CCNK: variants seen among roughly 807,000 people sequenced by gnomAD.
CCNK encodes cyclin-K.
A neutral mutation model predicts 65.0 loss-of-function variants in CCNK; 9 were observed. That is an observed-to-expected ratio of 0.14 (90% CI 0.08 to 0.24). CCNK has a LOEUF of 0.24. CCNK is among the 10% of genes least tolerant of loss of function. The pLI is 1.00. For synonymous variants in CCNK, 279 were observed against 270.8 expected, an observed-to-expected ratio of 1.03 and a Z score of -0.30; for missense variants, 474 against 720.0, an observed-to-expected ratio of 0.66 and a Z score of 3.91.
chr14:99,500,838 C>A lies in CCNK; in HGVS notation c.484C>A (p.Gln162Lys). 1 of 1,559,600 alleles carries A rather than the reference C, an allele frequency of 6.4e-7. No homozygotes were observed. The highest frequency in any genetic ancestry group is 8.7e-7 in the Non-Finnish European group (1 of 1,150,542). ...KFDLQVEHPY[Q>K]FLLKYAKQLK... Reference sequence around the variant, plus strand: ...TGATTTACAGGTAGAACATCCATACCAGTTCCTACTAAAATATGCAAAGCA... The same window carrying A: ...TGATTTACAGGTAGAACATCCATACAAGTTCCTACTAAAATATGCAAAGCA... Residue 162 changes from glutamine to lysine, a missense_variant, in exon 5 of 11, where the codon CAG becomes AAG. Physicochemically the swap from Gln to Lys is moderately conservative, Grantham distance 53. Around this residue, in one of 6 missense-constraint regions of CCNK, gnomAD observed 67 missense variants for 150.2 expected, o/e 0.45. Transcript: ENST00000389879.
rs1595301424 is a variant in CCNK at position 99,483,721 on chromosome 14, T to C, written c.-53+2242T>C. ...AGAGTTAAATGTGCATTGGATAAGG[T>C]GTGGTTAGATGGATTTATATCCATG... On this transcript the variant is annotated intron_variant, in intron 1 of 10. Transcript: ENST00000389879. 2.0e-5 allele frequency among the ~76,000 whole-genome samples: 3 copies of C among 152,224 alleles called. No individual in the cohort carries two copies. The East Asian group carries it at 5.8e-4, about 29-fold the overall frequency.
chr14:99,498,410 C>T (rs1896747413), intron 4 of CCNK, among the ~76,000 whole-genome samples: 1 of 152,124 alleles, frequency 6.6e-6, no homozygotes, highest in Non-Finnish European at 1.5e-5. Context: ...AGGAAAACAC[C>T]TGGAGCTGGG....
intron 9 of CCNK, chr14:99,505,471 C>T (rs1348436084): frequency 4.0e-5 from 6 of 151,578 alleles, no homozygotes; most frequent in African/African-American, 1.5e-4. Flanking sequence ...ATATTGGTTA[C>T]ATGTTGAAAT....
At chr14:99,486,188 T>A (rs928163620) in intron 1 of CCNK, among the ~76,000 whole-genome samples, 8 of 152,228 alleles carry the variant, frequency 5.3e-5, no homozygotes, top group Non-Finnish European at 2.9e-5. Context: ...GACTACCATC[T>A]CTGGTTTAAA....
intron 1 of CCNK, among the ~76,000 whole-genome samples, chr14:99,484,921 G>A (rs909817238): frequency 6.6e-6 from 1 of 152,228 alleles, no homozygotes; most frequent in Admixed American, 6.5e-5. Context: ...CTGCTAAAAT[G>A]CCTTGACAGG....
At chr14:99,498,729 G>T (rs1161107316) in intron 4 of CCNK, among the ~76,000 whole-genome samples, 1 of 152,072 alleles carries the variant, frequency 6.6e-6, no homozygotes, top group Non-Finnish European at 1.5e-5. Context: ...TGTGGTGTAC[G>T]CTGTAAAAGG....
chr14:99,500,664 T>C (rs1424561617), intron 4 of CCNK, 102 bp from the exon 5 acceptor site: 6 of 779,144 alleles, frequency 7.7e-6, no homozygotes, highest in Non-Finnish European at 1.1e-5. Flanking sequence ...TGCTAAAATA[T>C]AACTTGAAGA....
At chr14:99,482,405 G>T (rs767880184) in intron 1 of CCNK, among the ~76,000 whole-genome samples, 1 of 152,208 alleles carries the variant, frequency 6.6e-6, no homozygotes, top group Admixed American at 6.5e-5. Flanking sequence ...ACTGCCTGAC[G>T]TTTAATAAGC....
chr14:99,507,187 C>T (rs1896997073), intron 10 of CCNK, 40 bp downstream of exon 10: 3 of 1,226,876 alleles, frequency 2.4e-6, no homozygotes, highest in South Asian at 1.2e-5. Context: ...CTGTGCACAT[C>T]GCCTCTGAAT....
Position 99,503,649 on chromosome 14 carries a change from T to C in CCNK, c.1045+5T>C, listed in dbSNP as rs1324482299. The C allele has an allele frequency of 6.4e-7, 1 of 1,556,966 alleles. No individual in the cohort carries two copies. The highest frequency in any genetic ancestry group is 8.7e-7 in the Non-Finnish European group (1 of 1,148,618). ...AAGAAGAGAACAAAGCAGCAGGTAA[T>C]TTCCTGTTCTGATGTTTTTTTAGTT... On this transcript the variant is annotated splice_donor_5th_base_variant and intron_variant, in intron 9 of 10. Coordinates refer to ENST00000389879, the MANE Select transcript of CCNK (RefSeq NM_001099402.2).
chr14:99,492,232 G>C (rs1054955154), intron 1 of CCNK: 1 of 157,594 alleles, frequency 6.3e-6, no homozygotes, highest in Non-Finnish European at 1.4e-5. Context: ...TCTTTGTCAA[G>C]ATTAAGACAG....
chr14:99,494,897 A>AC (rs1334540160), intron 3 of CCNK: 1 of 152,250 alleles, frequency 6.6e-6, no homozygotes, highest in African/African-American at 2.4e-5. Flanking sequence ...GAAGGGAGGA[A>AC]CAAGCCCCTT....
chr14:99,504,172 G>A, intron 9 of CCNK: 1 of 248,348 alleles, frequency 4.0e-6, no homozygotes, highest in Middle Eastern at 4.9e-4. Flanking sequence ...CAGAAGGAGT[G>A]AGCAAAATTG....
chr14:99,499,684 G>A (rs1896779038), intron 4 of CCNK, among the ~76,000 whole-genome samples: 1 of 152,196 alleles, frequency 6.6e-6, no homozygotes, highest in Admixed American at 6.5e-5. Flanking sequence ...CTGAGTTCAA[G>A]ACATTAGTTA....
intron 1 of CCNK, among the ~76,000 whole-genome samples, chr14:99,487,514 G>A (rs937851098): frequency 1.3e-5 from 2 of 152,170 alleles, no homozygotes; most frequent in South Asian, 2.1e-4. Flanking sequence ...ACTGCTCTGC[G>A]GCAGTGAGAA....
chr14:99,495,551 A>G lies in CCNK; in HGVS notation c.333A>G (p.Lys111=). 1 of 1,613,708 alleles carries G rather than the reference A, an allele frequency of 6.2e-7. No individual in the cohort carries two copies. Among genetic ancestry groups the G allele is most frequent in the African/African-American group, 1.3e-5 (1 of 75,048 alleles). ...FLAGKVEETP[K]KCKDIIKTAR... Reference sequence around the variant, plus strand: ...CTGGGAAAGTAGAAGAAACACCAAAAAAATGTAAAGATATCATCAAAACAG... The same window carrying G: ...CTGGGAAAGTAGAAGAAACACCAAAGAAATGTAAAGATATCATCAAAACAG... Residue 111 remains lysine (K), a synonymous_variant, in exon 4 of 11, where the codon AAA becomes AAG. Coordinates refer to ENST00000389879, the MANE Select transcript of CCNK (RefSeq NM_001099402.2).
intron 9 of CCNK, chr14:99,503,986 G>A: frequency 2.8e-6 from 1 of 362,982 alleles, no homozygotes; most frequent in Non-Finnish European, 5.3e-6. Context: ...CCTCTCCCAA[G>A]CACCAAGCCA....
intron 7 of CCNK, 38 bp from the exon 8 acceptor site, chr14:99,502,681 C>G: frequency 6.3e-7 from 1 of 1,587,922 alleles, no homozygotes. Flanking sequence ...ATTTAAAATA[C>G]CAATTTGTGT....
Position 99,502,970 on chromosome 14 carries a change from G to T in CCNK, c.997G>T (p.Val333Phe), listed in dbSNP as rs771462544. Residue 333 changes from valine (V) to phenylalanine (F), a missense_variant, in exon 8 of 11, where the codon GTT becomes TTT. Val to Phe is a conservative substitution (Grantham distance 50). Around this residue, in one of 6 missense-constraint regions of CCNK, gnomAD observed 229 missense variants for 275.5 expected, o/e 0.83. Transcript: ENST00000389879. ...TCCGCAGCCCAGTTCTCCCCGACAGGTTAAGCGAGCCGTGGTGAGTGGGCT... is the reference window on the plus strand; with the variant it reads ...TCCGCAGCCCAGTTCTCCCCGACAGTTTAAGCGAGCCGTGGTGAGTGGGCT... ...PSPQPSSPRQVKRAVVVSPKE... is the reference protein window; with the variant it reads ...PSPQPSSPRQFKRAVVVSPKE... 1.4e-4 allele frequency: 218 copies of T among 1,613,876 alleles called. No homozygotes were observed. Among genetic ancestry groups the T allele is most frequent in the Non-Finnish European group, 1.8e-4 (210 of 1,179,912 alleles).
Sources: allele counts gnomAD v4.1 joint callset (sites outside exome capture counted in the v4.1 genomes callset), GRCh38; gene constraint gnomAD v4.1.1; regional missense constraint gnomAD v4.1.1; transcripts MANE v1.5; gene names NCBI Gene and HGNC (gene_info 2026-07-23, HGNC 2026-07-21).